Variants in LNX2 observed in about 807,000 individuals in gnomAD.
LNX2 encodes the protein ligand of Numb protein X 2.
Under a neutral mutation model 66.2 loss-of-function variants are expected in LNX2, and 35 were observed. The observed-to-expected ratio is 0.53, with a 90% CI of 0.40 to 0.70. The LOEUF is 0.70. Ranked by LOEUF, LNX2 falls within the 30% of genes least tolerant of loss-of-function variation. The probability of loss-of-function intolerance (pLI) is 0.00; values close to 1 mark genes in which losing one functional copy is unlikely to be tolerated. For missense variants in LNX2, 791 were observed against 850.8 expected (o/e 0.93, Z 0.87); for synonymous variants, 337 against 315.6 (o/e 1.07, Z -0.72).
At chr13:27,582,191 T>C (rs1955406534) in intron 1 of LNX2, among the ~76,000 whole-genome samples, 2 of 151,964 alleles carry the variant, frequency 1.3e-5, no homozygotes, top group Admixed American at 1.3e-4. Context: ...CACCATGTCC[T>C]GTTAATTTTT....
At chr13:27,593,157 C>T (rs1442436610) in intron 1 of LNX2, among the ~76,000 whole-genome samples, 1 of 152,082 alleles carries the variant, frequency 6.6e-6, no homozygotes, top group Non-Finnish European at 1.5e-5. Flanking sequence ...CTTCTTTTGC[C>T]ATATCTCTCC....
At chr13:27,593,563 CTTTTTTTTTTT>C (rs35280780) in intron 1 of LNX2, among the ~76,000 whole-genome samples, 2 of 115,550 alleles carry the variant, frequency 1.7e-5, no homozygotes, top group African/African-American at 3.1e-5. Flanking sequence ...CTGGCTGAAA[CTTTTTTTTTTT>C]TTTTTTTTTT....
chr13:27,581,763 A>G lies in LNX2; in HGVS notation c.-60T>C. The stretch of plus-strand genomic sequence containing the variant: ...TCCACTTCACGCTTGGTTTCCTTTA[A>G]CAGACAGTGATGTATCTGACTAAAG... On this transcript the variant is annotated 5_prime_UTR_variant, in exon 2 of 10. Coordinates refer to ENST00000316334, the MANE Select transcript of LNX2 (RefSeq NM_153371.4). 7.0e-7 allele frequency: 1 copy of G among 1,426,616 alleles called. No homozygotes were observed. Among genetic ancestry groups the G allele is most frequent in the Non-Finnish European group, 9.5e-7 (1 of 1,052,108 alleles). The allele number at this position is 1,426,616 out of a possible 1,614,324, so 88.4% of individuals were successfully genotyped here.
At chr13:27,591,445 T>G (rs1955545637) in intron 1 of LNX2, among the ~76,000 whole-genome samples, 1 of 152,222 alleles carries the variant, frequency 6.6e-6, no homozygotes, top group Non-Finnish European at 1.5e-5. Context: ...CCAAAACGGA[T>G]TCAAACAAAA....
At chr13:27,602,848 T>C (rs1955673821) in intron 1 of LNX2, among the ~76,000 whole-genome samples, 1 of 151,896 alleles carries the variant, frequency 6.6e-6, no homozygotes, top group African/African-American at 2.4e-5. Context: ...GCTGTCTTTT[T>C]AATTTTAGCC....
intron 1 of LNX2, among the ~76,000 whole-genome samples, chr13:27,599,648 TA>T (rs1955635478): frequency 6.6e-6 from 1 of 152,144 alleles, no homozygotes; most frequent in African/African-American, 2.4e-5. Flanking sequence ...CAATATAAAG[TA>T]AAACAATAAC....
At chr13:27,597,258 G>A (rs1326493807) in intron 1 of LNX2, among the ~76,000 whole-genome samples, 2 of 152,180 alleles carry the variant, frequency 1.3e-5, no homozygotes, top group African/African-American at 4.8e-5. Flanking sequence ...ACATATAGGA[G>A]AGGCAGACAT....
At chr13:27,594,337 G>A (rs1355165978) in intron 1 of LNX2, among the ~76,000 whole-genome samples, 1 of 151,782 alleles carries the variant, frequency 6.6e-6, no homozygotes, top group Non-Finnish European at 1.5e-5. Context: ...AACATATTAA[G>A]ACAGCAACCC....
intron 1 of LNX2, among the ~76,000 whole-genome samples, chr13:27,591,777 C>T (rs1047480549): frequency 7.9e-5 from 12 of 152,254 alleles, no homozygotes; most frequent in South Asian, 6.2e-4. Context: ...GTATTTTAGA[C>T]GCTGAAAAGT....
At chr13:27,598,497 G>T (rs1955623391) in intron 1 of LNX2, among the ~76,000 whole-genome samples, 1 of 152,288 alleles carries the variant, frequency 6.6e-6, no homozygotes, top group Non-Finnish European at 1.5e-5. Flanking sequence ...GAGAGGGAAT[G>T]ATAATAGCTA....
Position 27,566,851 on chromosome 13 carries a change from G to A in LNX2, c.855+789C>T, listed in dbSNP as rs535870542. ...TTCCTCTCTCTCCTAGAAGTTATCC[G>A]TTTTTAAGCTTCAATTATTATCACC... On this transcript the variant is annotated intron_variant, in intron 4 of 9. Coordinates refer to ENST00000316334, the MANE Select transcript of LNX2 (RefSeq NM_153371.4). 9.2e-5 allele frequency among the ~76,000 whole-genome samples: 14 copies of A among 152,136 alleles called. No individual in the cohort carries two copies. In the South Asian group the frequency reaches 1.9e-3, roughly 20 times the overall value.
chr13:27,613,963 T>C (rs1289517309), intron 1 of LNX2, among the ~76,000 whole-genome samples: 2 of 152,190 alleles, frequency 1.3e-5, no homozygotes, highest in African/African-American at 4.8e-5. Flanking sequence ...AGTTCAAATG[T>C]TAAAAATCAG....
chr13:27,550,257 T>C, intron 9 of LNX2, 76 bp downstream of exon 9: 4 of 1,308,872 alleles, frequency 3.1e-6, no homozygotes, highest in Non-Finnish European at 4.3e-6. Context: ...GATTTAGTGC[T>C]GACCCCTGAC....
chr13:27,613,569 C>T (rs1013831043), intron 1 of LNX2, among the ~76,000 whole-genome samples: 15 of 152,002 alleles, frequency 9.9e-5, no homozygotes, highest in African/African-American at 2.2e-4. Context: ...GTAAGGAGTT[C>T]GACACCAGGC....
intron 5 of LNX2, among the ~76,000 whole-genome samples, chr13:27,561,054 CAG>C (rs1459361807): frequency 1.3e-5 from 2 of 152,026 alleles, no homozygotes; most frequent in East Asian, 3.9e-4. Flanking sequence ...CAAAAAGAAA[CAG>C]AGCAACTTTA....
chr13:27,590,284 G>C (rs1190721784), intron 1 of LNX2, among the ~76,000 whole-genome samples: 1 of 151,940 alleles, frequency 6.6e-6, no homozygotes, highest in Admixed American at 6.6e-5. Context: ...GCCCAGGCTG[G>C]AATGCAGTGG....
In LNX2 at chr13:27,562,603, C is replaced by T. The variant is rs201011254; in HGVS notation, c.1034G>A (p.Arg345Gln). The T allele has an allele frequency of 6.8e-6, 11 of 1,613,976 alleles. No individual in the cohort carries two copies. The highest frequency in any genetic ancestry group is 3.3e-5 in the Admixed American group (2 of 59,992). Reference sequence around the variant, plus strand: ...AATGCCAAGCTGTTCACCAGAGTCCCGTTTATGAAGAGCCACTTGGAAAAT... The same window carrying T: ...AATGCCAAGCTGTTCACCAGAGTCCTGTTTATGAAGAGCCACTTGGAAAAT... ...EEIFQVALHK[R>Q]DSGEQLGIKL... Residue 345 changes from arginine (R) to glutamine (Q), a missense_variant, in exon 5 of 10, where the codon CGG (arginine) becomes CAG (glutamine). By Grantham distance (43) the Arg-to-Gln change is conservative. Coordinates refer to ENST00000316334, the MANE Select transcript of LNX2 (RefSeq NM_153371.4).
chr13:27,583,058 A>G (rs1455594982), intron 1 of LNX2, among the ~76,000 whole-genome samples: 2 of 152,102 alleles, frequency 1.3e-5, no homozygotes, highest in Admixed American at 6.6e-5. Context: ...TTATTCCACT[A>G]AAAGAAAAAA....
At chr13:27,594,461 T>G (rs1044003164) in intron 1 of LNX2, among the ~76,000 whole-genome samples, 1 of 152,188 alleles carries the variant, frequency 6.6e-6, no homozygotes. Context: ...CTTTTCCCTT[T>G]GAGAGTTCTT....
Sources: allele counts gnomAD v4.1 joint callset (sites outside exome capture counted in the v4.1 genomes callset), GRCh38; gene constraint gnomAD v4.1.1; transcripts MANE v1.5; gene names NCBI Gene and HGNC (gene_info 2026-07-23, HGNC 2026-07-21).